Variants in UBAP1 observed in about 807,000 individuals in gnomAD.
UBAP1 encodes the protein ubiquitin-associated protein 1.
In UBAP1, 5 loss-of-function variants were observed where a neutral mutation model predicts 39.0. The observed-to-expected ratio is 0.13, with a 90% confidence interval of 0.07 to 0.27. The LOEUF (loss-of-function observed/expected upper bound fraction) is 0.27, where lower values mean the gene tolerates loss of function less well. Ranked by LOEUF, UBAP1 falls within the 10% of genes least tolerant of loss-of-function variation. The probability of loss-of-function intolerance (pLI) is 1.00; values close to 1 mark genes in which losing one functional copy is unlikely to be tolerated. For missense variants in UBAP1, 490 were observed against 608.1 expected (o/e 0.81, Z 2.04); for synonymous variants, 211 against 225.1 (o/e 0.94, Z 0.56).
chr9:34,192,491 G>A (rs1172785897), intron 1 of UBAP1, among the ~76,000 whole-genome samples: 1 of 138,784 alleles, frequency 7.2e-6, no homozygotes, highest in Non-Finnish European at 1.5e-5. Flanking sequence ...CTCTAGCCTG[G>A]GTGGATAGAA....
At chr9:34,216,415 T>C (rs1344286546) in intron 1 of UBAP1, among the ~76,000 whole-genome samples, 5 of 152,142 alleles carry the variant, frequency 3.3e-5, no homozygotes, top group Non-Finnish European at 7.3e-5. Context: ...TTCAGTCTCT[T>C]TGGATTTTCC....
At chr9:34,246,377 A>G (rs1834179621) in intron 4 of UBAP1, among the ~76,000 whole-genome samples, 1 of 152,204 alleles carries the variant, frequency 6.6e-6, no homozygotes, top group African/African-American at 2.4e-5. Context: ...TAGTTTGTTT[A>G]TGATCATTTT....
intron 2 of UBAP1, chr9:34,224,736 T>C (rs899276264): frequency 1.3e-5 from 3 of 230,350 alleles, no homozygotes; most frequent in Non-Finnish European, 1.7e-5. Context: ...AGATGGAGAA[T>C]ATTTAATAGG....
In UBAP1 at chr9:34,186,777, G is replaced by A. The variant is rs1194922981; in HGVS notation, c.-8+7537G>A. On this transcript the variant is annotated intron_variant, in intron 1 of 6. Coordinates refer to ENST00000297661, the MANE Select transcript of UBAP1 (RefSeq NM_016525.5). ...CTAATTATTTGTTAATTTATAGGTT[G>A]CAAATATCCTTTCCCAATTTGTGAC... 4.0e-5 allele frequency among the ~76,000 whole-genome samples: 6 copies of A among 151,862 alleles called. No homozygotes were observed. In the South Asian group the frequency reaches 8.3e-4, roughly 21 times the overall value.
intron 2 of UBAP1, among the ~76,000 whole-genome samples, chr9:34,227,547 T>C (rs1351098207): frequency 6.6e-6 from 1 of 152,222 alleles, no homozygotes. Flanking sequence ...ACGGGCAGAT[T>C]GCAGAATCAT....
intron 4 of UBAP1, among the ~76,000 whole-genome samples, chr9:34,247,340 C>T (rs569907740): frequency 2.0e-5 from 3 of 152,194 alleles, no homozygotes; most frequent in East Asian, 3.9e-4. Context: ...TTAAATCATC[C>T]ATTTAAAATC....
chr9:34,212,381 A>G (rs1310651729), intron 1 of UBAP1, among the ~76,000 whole-genome samples: 1 of 140,484 alleles, frequency 7.1e-6, no homozygotes, highest in African/African-American at 2.7e-5. Flanking sequence ...GTGAGACCTC[A>G]TTTCTATTAA....
At chr9:34,221,920 CAA>C (rs1253123840) in intron 2 of UBAP1, among the ~76,000 whole-genome samples, 1 of 151,974 alleles carries the variant, frequency 6.6e-6, no homozygotes, top group African/African-American at 2.4e-5. Context: ...CAGAAGTAGC[CAA>C]GTAACACAAT....
chr9:34,190,802 C>CTTTT (rs373942127), intron 1 of UBAP1, among the ~76,000 whole-genome samples: 3 of 116,656 alleles, frequency 2.6e-5, no homozygotes, highest in Non-Finnish European at 3.5e-5. Flanking sequence ...ATGCCTGGCT[C>CTTTT]TTTTTTTTTT....
intron 1 of UBAP1, among the ~76,000 whole-genome samples, chr9:34,182,667 C>CTT (rs1289284341): frequency 1.8e-5 from 1 of 55,570 alleles, no homozygotes; most frequent in African/African-American, 4.5e-5. Context: ...TTCTTTCTTT[C>CTT]TTTCTTTCTT....
intron 1 of UBAP1, among the ~76,000 whole-genome samples, chr9:34,198,008 G>A: frequency 6.6e-6 from 1 of 152,222 alleles, no homozygotes; most frequent in Non-Finnish European, 1.5e-5. Context: ...TAGTATCTGT[G>A]GGCAAGCAGG....
chr9:34,195,933 T>C (rs1200356731), intron 1 of UBAP1, among the ~76,000 whole-genome samples: 3 of 47,810 alleles, frequency 6.3e-5, no homozygotes, highest in African/African-American at 1.9e-4. Flanking sequence ...TTTGGTTTTT[T>C]TTTTTTTTTT....
intron 3 of UBAP1, among the ~76,000 whole-genome samples, chr9:34,240,835 TA>T (rs1041720187): frequency 5.3e-5 from 8 of 151,276 alleles, no homozygotes; most frequent in African/African-American, 1.9e-4. Context: ...AGTTAATGCA[TA>T]AAAAGTGTTT....
At chr9:34,228,473 A>G (rs1833224738) in intron 2 of UBAP1, among the ~76,000 whole-genome samples, 1 of 151,386 alleles carries the variant, frequency 6.6e-6, no homozygotes, top group Non-Finnish European at 1.5e-5. Context: ...AATTGGTTAT[A>G]TTTGGAAGAC....
At chr9:34,188,423 C>CATTT (rs1261307130) in intron 1 of UBAP1, among the ~76,000 whole-genome samples, 1 of 117,210 alleles carries the variant, frequency 8.5e-6, no homozygotes, top group African/African-American at 3.2e-5. Context: ...TAGTCTTCAG[C>CATTT]TTTTTTTTTT....
chr9:34,217,989 G>A (rs1249564663), intron 1 of UBAP1, among the ~76,000 whole-genome samples: 2 of 150,420 alleles, frequency 1.3e-5, no homozygotes, highest in East Asian at 1.9e-4. Flanking sequence ...GCAGTAGCTC[G>A]CGTCTGTGAT....
intron 1 of UBAP1, among the ~76,000 whole-genome samples, chr9:34,182,876 A>G (rs984098947): frequency 1.3e-5 from 2 of 151,574 alleles, no homozygotes; most frequent in African/African-American, 4.8e-5. Flanking sequence ...ACGCCTGGCT[A>G]ATTTTTTGTA....
rs543705840 is a variant in UBAP1, at chr9:34,219,348, C to G, written c.-7-1560C>G. On this transcript the variant is annotated intron_variant, in intron 1 of 6. Coordinates refer to ENST00000297661, the MANE Select transcript of UBAP1 (RefSeq NM_016525.5). Reference sequence around the variant, plus strand: ...AAGTAATCCACCTGCCTCAGCCTTCCAAAATGTGGGATTACATGTGTAAGT... The same window carrying G: ...AAGTAATCCACCTGCCTCAGCCTTCGAAAATGTGGGATTACATGTGTAAGT... Among the ~76,000 whole-genome samples the G allele has an allele frequency of 1.9e-4, 29 of 152,206 alleles. No homozygotes were observed. The East Asian group carries it at 3.3e-3, about 17-fold the overall frequency.
intron 2 of UBAP1, among the ~76,000 whole-genome samples, chr9:34,231,621 A>G (rs1297377267): frequency 2.0e-5 from 3 of 149,638 alleles, no homozygotes; most frequent in Non-Finnish European, 4.5e-5. Flanking sequence ...GTTAAGGGAC[A>G]CTCAAAATTT....
Sources: allele counts gnomAD v4.1 joint callset (sites outside exome capture counted in the v4.1 genomes callset), GRCh38; gene constraint gnomAD v4.1.1; transcripts MANE v1.5; gene names NCBI Gene and HGNC (gene_info 2026-07-23, HGNC 2026-07-21).